STPG2: variants seen among roughly 807,000 people sequenced by gnomAD.
STPG2 encodes the protein sperm-tail PG-rich repeat-containing protein 2.
In STPG2, 56 loss-of-function variants were observed where a neutral mutation model predicts 54.2. The observed-to-expected ratio is 1.03, with a 90% confidence interval of 0.83 to 1.29. The LOEUF (loss-of-function observed/expected upper bound fraction) is 1.29, where lower values mean the gene tolerates loss of function less well. STPG2 is among the 50% of genes most tolerant of loss of function. The probability of loss-of-function intolerance (pLI) is 0.00; values close to 1 mark genes in which losing one functional copy is unlikely to be tolerated. For synonymous variants in STPG2, 200 were observed against 181.8 expected, an observed-to-expected ratio of 1.10 and a Z score of -0.81; for missense variants, 596 against 544.9, an observed-to-expected ratio of 1.09 and a Z score of -0.93.
chr4:98,083,436 C>A (rs1738411651), intron 5 of STPG2, among the ~76,000 whole-genome samples: 1 of 152,012 alleles, frequency 6.6e-6, no homozygotes, highest in Non-Finnish European at 1.5e-5. Context: ...TATAGAAATT[C>A]TTGGAAAATA....
intron 4 of STPG2, among the ~76,000 whole-genome samples, chr4:97,532,301 A>G (rs1015999610): frequency 3.9e-5 from 6 of 152,140 alleles, no homozygotes; most frequent in Non-Finnish European, 7.4e-5. Context: ...ATTTGCAGTT[A>G]AAATGTTCAC....
chr4:97,713,935 C>G (rs1724210142), intron 9 of STPG2, among the ~76,000 whole-genome samples: 1 of 152,030 alleles, frequency 6.6e-6, no homozygotes, highest in South Asian at 2.1e-4. Context: ...TCTACTATAT[C>G]AAATGTTTCA....
intron 10 of STPG2, among the ~76,000 whole-genome samples, chr4:97,679,328 T>G (rs974944386): frequency 3.2e-4 from 48 of 152,156 alleles, no homozygotes; most frequent in African/African-American, 9.9e-4. Flanking sequence ...CTAACTGGTG[T>G]GAGATGGTAT....
intron 10 of STPG2, among the ~76,000 whole-genome samples, chr4:97,625,420 C>T (rs181213380): frequency 5.3e-5 from 8 of 152,172 alleles, no homozygotes; most frequent in Non-Finnish European, 8.8e-5. Context: ...AGCAATTCTT[C>T]TGCCTCAGCC....
At chr4:97,629,272 T>C (rs777106497) in intron 10 of STPG2, among the ~76,000 whole-genome samples, 5 of 152,162 alleles carry the variant, frequency 3.3e-5, no homozygotes, top group African/African-American at 7.2e-5. Flanking sequence ...AACTACTTTA[T>C]GAAGGTAGTA....
intron 3 of STPG2, among the ~76,000 whole-genome samples, chr4:98,117,725 T>C (rs920791334): frequency 6.6e-6 from 1 of 152,068 alleles, no homozygotes; most frequent in African/African-American, 2.4e-5. Flanking sequence ...CTAGAAAGTT[T>C]TTCATTTCCA....
At chr4:97,634,392 A>AG (rs1721424302) in intron 10 of STPG2, among the ~76,000 whole-genome samples, 1 of 152,184 alleles carries the variant, frequency 6.6e-6, no homozygotes, top group Admixed American at 6.5e-5. Context: ...AAGATGGGGA[A>AG]AAAACAGAAC....
At chr4:97,476,337 T>C (rs777241221) in intron 4 of STPG2, among the ~76,000 whole-genome samples, 6 of 152,132 alleles carry the variant, frequency 3.9e-5, no homozygotes, top group Non-Finnish European at 7.4e-5. Flanking sequence ...AATCAAAATT[T>C]TCTAATTTGT....
At chr4:97,665,159 T>TC (rs1009467034) in intron 10 of STPG2, among the ~76,000 whole-genome samples, 14 of 152,236 alleles carry the variant, frequency 9.2e-5, no homozygotes, top group Non-Finnish European at 5.9e-5. Context: ...AGGTCTGGGC[T>TC]CCCCAAAGGT....
intron 9 of STPG2, among the ~76,000 whole-genome samples, chr4:97,764,322 T>C (rs1304389460): frequency 6.6e-6 from 1 of 152,074 alleles, no homozygotes; most frequent in Non-Finnish European, 1.5e-5. Context: ...CAGCACTTAC[T>C]TCAGTTTGCA....
chr4:97,880,822 T>A (rs1730342545), intron 8 of STPG2, among the ~76,000 whole-genome samples: 1 of 151,924 alleles, frequency 6.6e-6, no homozygotes, highest in Non-Finnish European at 1.5e-5. Context: ...CACTTAGGAG[T>A]AACTGAGCTA....
At chr4:97,505,789 G>A (rs1212703150) in intron 4 of STPG2, among the ~76,000 whole-genome samples, 1 of 151,766 alleles carries the variant, frequency 6.6e-6, no homozygotes, top group Non-Finnish European at 1.5e-5. Flanking sequence ...TGTATCCTAA[G>A]TGGTGGTCTT....
intron 4 of STPG2, among the ~76,000 whole-genome samples, chr4:97,498,634 T>C (rs373319505): frequency 2.4e-4 from 36 of 150,810 alleles, no homozygotes; most frequent in African/African-American, 8.5e-4. Context: ...AAAATAATGA[T>C]CTTGAAATCT....
At chr4:97,546,284 A>C (rs1731831523) in intron 4 of STPG2, among the ~76,000 whole-genome samples, 1 of 152,036 alleles carries the variant, frequency 6.6e-6, no homozygotes, top group Admixed American at 6.5e-5. Context: ...ATTTACCTAC[A>C]TTTCTAAAGG....
At chr4:97,465,858 G>A (rs925203065) in intron 4 of STPG2, among the ~76,000 whole-genome samples, 1 of 151,844 alleles carries the variant, frequency 6.6e-6, no homozygotes, top group Non-Finnish European at 1.5e-5. Flanking sequence ...CTGTGGATAA[G>A]GAACCCACAG....
At chr4:97,611,660 A>C (rs1733733186) in intron 10 of STPG2, among the ~76,000 whole-genome samples, 1 of 151,958 alleles carries the variant, frequency 6.6e-6, no homozygotes, top group South Asian at 2.1e-4. Context: ...GAGCATTTAA[A>C]AATATAGAAT....
intron 4 of STPG2, among the ~76,000 whole-genome samples, chr4:97,498,717 C>T (rs560807621): frequency 1.3e-4 from 20 of 151,506 alleles, no homozygotes; most frequent in African/African-American, 4.4e-4. Flanking sequence ...CATGGATTGT[C>T]GATTTATTTT....
intron 5 of STPG2, chr4:98,025,329 G>A: frequency 4.1e-6 from 1 of 245,810 alleles, no homozygotes; most frequent in Non-Finnish European, 8.1e-6. Flanking sequence ...TAAAAGGAGT[G>A]TATTGGCTGT....
At position 97,795,304 on chromosome 4, in the gene STPG2, G is replaced by T. The variant is rs886153546; in HGVS notation, c.1204+45469C>A. Among the ~76,000 whole-genome samples, 4 of 152,002 alleles carry T rather than the reference G, an allele frequency of 2.6e-5. 1 individual carries two copies. In the South Asian group the frequency reaches 6.2e-4, roughly 24 times the overall value. ...GTTGGTGTGCTGCACCCAATAACTC[G>T]TCATTTACATTAGGTATATCTCCTA... On this transcript the variant is annotated intron_variant, in intron 9 of 10. Transcript: ENST00000295268.
Sources: allele counts gnomAD v4.1 joint callset (sites outside exome capture counted in the v4.1 genomes callset), GRCh38; gene constraint gnomAD v4.1.1; transcripts MANE v1.5; gene names NCBI Gene and HGNC (gene_info 2026-07-23, HGNC 2026-07-21).